The following DPP10 variants were observed in gnomAD, a reference collection of about 807,000 sequenced individuals.
DPP10 encodes dipeptidyl peptidase like 10.
DPP10 carries 33 observed loss-of-function variants against 120.9 expected under a neutral mutation model. The observed-to-expected ratio is 0.27, with a 90% confidence interval of 0.21 to 0.37. The LOEUF (loss-of-function observed/expected upper bound fraction) is 0.37. Among genes scored for constraint, DPP10 ranks in the 10% least tolerant of loss-of-function variants. The pLI, the probability that DPP10 is intolerant of heterozygous loss-of-function variation, is 1.00. For missense variants in DPP10, 816 were observed against 942.8 expected (o/e 0.87, Z 1.76); for synonymous variants, 337 against 326.1 (o/e 1.03, Z -0.36).
chr2:114,940,632 A>C (rs2104563862), intron 1 of DPP10, among the ~76,000 whole-genome samples: 1 of 152,298 alleles, frequency 6.6e-6, no homozygotes, highest in East Asian at 1.9e-4. Context: ...CAGCATAGCA[A>C]ACCCCAGATC....
intron 1 of DPP10, among the ~76,000 whole-genome samples, chr2:114,487,951 C>A (rs1341490649): frequency 6.6e-6 from 1 of 152,104 alleles, no homozygotes; most frequent in Non-Finnish European, 1.5e-5. Flanking sequence ...AAACAGAAAA[C>A]GTTTATTGAA....
chr2:114,925,038 C>T (rs775882720), intron 1 of DPP10, among the ~76,000 whole-genome samples: 7 of 151,896 alleles, frequency 4.6e-5, no homozygotes, highest in Non-Finnish European at 1.0e-4. Flanking sequence ...GGTGAAACCC[C>T]GTCTCTACTA....
At chr2:114,829,437 G>A (rs1574286429) in intron 1 of DPP10, among the ~76,000 whole-genome samples, 1 of 148,102 alleles carries the variant, frequency 6.8e-6, no homozygotes, top group Non-Finnish European at 1.5e-5. Context: ...AGGCTGGAGT[G>A]CAATGGCAAG....
intron 1 of DPP10, chr2:115,161,983 G>A: frequency 7.1e-7 from 1 of 1,406,938 alleles, no homozygotes. Flanking sequence ...AGGAGCCGCA[G>A]CCCACCCCGG....
chr2:115,782,476 A>G lies in DPP10; in HGVS notation c.1531+77A>G, dbSNP rs76131123. 3.1e-3 allele frequency: 4,128 copies of G among 1,337,598 alleles called. 103 individuals are homozygous for G. In the African/African-American group the frequency reaches 0.051, roughly 16 times the overall value. The allele number at this position is 1,337,598 out of a possible 1,614,324, so 82.9% of individuals were successfully genotyped here. A position where few individuals can be genotyped will look rare whatever the true frequency, so the allele number is the denominator to read the frequency against. ...GACATCGTGTTATCTATTCTGAGTC[A>G]TATCCTCTATAAATTCTTCTTCAAA... On this transcript the variant is annotated intron_variant, in intron 17 of 25. Coordinates refer to ENST00000410059, the MANE Select transcript of DPP10 (RefSeq NM_020868.6).
At chr2:115,045,444 T>C (rs62164494) in intron 1 of DPP10, among the ~76,000 whole-genome samples, 2,644 of 152,302 alleles carry the variant, frequency 0.017, 51 homozygotes, top group Non-Finnish European at 0.027. Flanking sequence ...TGTACTTGAA[T>C]GTTGATATCT....
intron 3 of DPP10, among the ~76,000 whole-genome samples, chr2:115,493,872 C>T (rs72826408): frequency 0.27 from 40,846 of 151,716 alleles, 6,344 homozygotes; most frequent in East Asian, 0.41. Flanking sequence ...ACCCCTCAGG[C>T]AAAAGGTTTA....
At chr2:115,485,913 C>A (rs1436499762) in intron 3 of DPP10, among the ~76,000 whole-genome samples, 1 of 151,938 alleles carries the variant, frequency 6.6e-6, no homozygotes, top group African/African-American at 2.4e-5. Flanking sequence ...GAGTGTTAAG[C>A]TTTTGAAATA....
At chr2:115,651,422 AT>A (rs1199871079) in intron 5 of DPP10, among the ~76,000 whole-genome samples, 1 of 152,094 alleles carries the variant, frequency 6.6e-6, no homozygotes, top group African/African-American at 2.4e-5. Flanking sequence ...GCGCTGAATT[AT>A]CTTCTAAAAT....
At chr2:114,633,315 G>T (rs111681769) in intron 1 of DPP10, among the ~76,000 whole-genome samples, 12,957 of 127,884 alleles carry the variant, frequency 0.1, 818 homozygotes, top group African/African-American at 0.2. Context: ...GCAGTGGCAC[G>T]ATCTCGGTTC....
chr2:115,156,547 T>C (rs919115978), intron 1 of DPP10, among the ~76,000 whole-genome samples: 5 of 152,226 alleles, frequency 3.3e-5, no homozygotes, highest in South Asian at 4.1e-4. Flanking sequence ...CTCTTTCGAT[T>C]TGTAAAAGAT....
intron 5 of DPP10, among the ~76,000 whole-genome samples, chr2:115,687,126 C>T (rs936776427): frequency 2.3e-4 from 35 of 151,850 alleles, no homozygotes; most frequent in African/African-American, 8.5e-4. Context: ...GAATTTAGAC[C>T]AGAATGCCTT....
intron 1 of DPP10, among the ~76,000 whole-genome samples, chr2:114,548,684 C>A (rs1281966675): frequency 6.6e-6 from 1 of 152,144 alleles, no homozygotes; most frequent in African/African-American, 2.4e-5. Context: ...GGTGAAAACA[C>A]AAATAACTGG....
intron 7 of DPP10, among the ~76,000 whole-genome samples, chr2:115,701,153 A>G (rs755941503): frequency 6.6e-6 from 1 of 152,138 alleles, no homozygotes; most frequent in Non-Finnish European, 1.5e-5. Context: ...AAAAAAGAAG[A>G]AAGTTGGAGA....
intron 5 of DPP10, among the ~76,000 whole-genome samples, chr2:115,685,251 G>A (rs1201840582): frequency 1.3e-5 from 2 of 151,806 alleles, no homozygotes; most frequent in African/African-American, 2.4e-5. Context: ...TTATATGCAG[G>A]ACTATCTTAA....
intron 1 of DPP10, among the ~76,000 whole-genome samples, chr2:115,006,313 C>T (rs1041247780): frequency 2.6e-4 from 40 of 151,528 alleles, no homozygotes; most frequent in Admixed American, 9.2e-4. Flanking sequence ...CATCAACTAA[C>T]GAGCAAAATA....
At chr2:114,517,210 G>T (rs376492191) in intron 1 of DPP10, among the ~76,000 whole-genome samples, 2 of 152,140 alleles carry the variant, frequency 1.3e-5, no homozygotes, top group African/African-American at 4.8e-5. Context: ...ACAAGTTCCA[G>T]TGGTATTTCT....
intron 7 of DPP10, among the ~76,000 whole-genome samples, chr2:115,690,271 T>A (rs1055520067): frequency 2.6e-5 from 4 of 152,228 alleles, no homozygotes; most frequent in African/African-American, 9.6e-5. Flanking sequence ...TTATTTTTTC[T>A]TAAAGCATTG....
At chr2:114,845,714 T>C (rs931006941) in intron 1 of DPP10, among the ~76,000 whole-genome samples, 6 of 152,146 alleles carry the variant, frequency 3.9e-5, no homozygotes, top group Non-Finnish European at 8.8e-5. Context: ...GAAATATCCG[T>C]GGATTTGCAA....
Sources: allele counts gnomAD v4.1 joint callset (sites outside exome capture counted in the v4.1 genomes callset), GRCh38; gene constraint gnomAD v4.1.1; transcripts MANE v1.5; gene names NCBI Gene and HGNC (gene_info 2026-07-23, HGNC 2026-07-21).